Variants in CDH18 observed in about 807,000 individuals in gnomAD.
CDH18 encodes cadherin 18.
In CDH18, 31 loss-of-function variants were observed where a neutral mutation model predicts 67.9. The ratio of observed to expected loss-of-function variants is 0.46; its 90% CI spans 0.34 to 0.62. CDH18 has a LOEUF of 0.62. Ranked by LOEUF, CDH18 falls within the 20% of genes least tolerant of loss-of-function variation. The pLI, the probability that CDH18 is intolerant of heterozygous loss-of-function variation, is 0.01. For missense variants in CDH18, 890 were observed against 975.5 expected, an observed-to-expected ratio of 0.91 and a Z score of 1.17; for synonymous variants, 362 against 347.2, an observed-to-expected ratio of 1.04 and a Z score of -0.48.
intron 1 of CDH18, among the ~76,000 whole-genome samples, chr5:20,377,102 G>A (rs1743515862): frequency 6.6e-6 from 1 of 151,906 alleles, no homozygotes; most frequent in Non-Finnish European, 1.5e-5. Context: ...TCCCTCACTC[G>A]TGAAATAAAG....
intron 1 of CDH18, among the ~76,000 whole-genome samples, chr5:20,514,382 G>A (rs56791839): frequency 2.0e-5 from 3 of 152,056 alleles, no homozygotes; most frequent in Admixed American, 2.0e-4. Context: ...TCTTGTATCA[G>A]GTTGCTGGTT....
intron 1 of CDH18, among the ~76,000 whole-genome samples, chr5:20,324,353 C>A (rs1561971685): frequency 1.3e-5 from 2 of 152,108 alleles, no homozygotes; most frequent in South Asian, 4.1e-4. Flanking sequence ...TCCTGGCTAA[C>A]ATGGTGAAAC....
chr5:19,881,974 T>C (rs1197637614), intron 2 of CDH18, among the ~76,000 whole-genome samples: 1 of 152,140 alleles, frequency 6.6e-6, no homozygotes, highest in Non-Finnish European at 1.5e-5. Context: ...CTTCATGGTA[T>C]ACCTCCACTA....
intron 10 of CDH18, among the ~76,000 whole-genome samples, chr5:19,514,285 G>T (rs1745590321): frequency 1.3e-5 from 2 of 152,190 alleles, no homozygotes; most frequent in African/African-American, 4.8e-5. Flanking sequence ...TTGCTATTGT[G>T]AATAGTGCTG....
In CDH18 at chr5:19,924,669, A is replaced by G. The variant is rs566608335; in HGVS notation, c.-257+56391T>C. Among the ~76,000 whole-genome samples the G allele has an allele frequency of 2.6e-5, 4 of 152,228 alleles. No individual in the cohort carries two copies. In the East Asian group the frequency reaches 7.7e-4, roughly 29 times the overall value. On this transcript the variant is annotated intron_variant, in intron 2 of 12. Transcript: ENST00000382275. ...AACAAACAAAACAATAGGACTTTAA[A>G]TTTTGACTAATAGGACATTAGGAAT...
intron 8 of CDH18, among the ~76,000 whole-genome samples, chr5:19,550,662 A>G (rs1475696887): frequency 4.6e-5 from 7 of 152,144 alleles, no homozygotes; most frequent in Non-Finnish European, 2.9e-5. Context: ...CCAGTCTATC[A>G]TTCTTGGACA....
intron 2 of CDH18, among the ~76,000 whole-genome samples, chr5:20,170,535 T>C (rs537119478): frequency 1.3e-4 from 20 of 152,216 alleles, no homozygotes; most frequent in African/African-American, 4.6e-4. Flanking sequence ...TGTATTTTAA[T>C]AGCATACTAA....
intron 5 of CDH18, among the ~76,000 whole-genome samples, chr5:19,719,903 G>GAGAAAGAAAGAAAGAACGAAAGAAAGAA (rs1173106345): frequency 3.1e-5 from 4 of 130,872 alleles, no homozygotes; most frequent in African/African-American, 1.2e-4. Context: ...AGTTAAGCAA[G>GAGAAAGAAAGAAAGAACGAAAGAAAGAA]AGAAAGAAAG....
At chr5:19,847,285 G>T (rs1172807019) in intron 2 of CDH18, among the ~76,000 whole-genome samples, 1 of 151,822 alleles carries the variant, frequency 6.6e-6, no homozygotes, top group Non-Finnish European at 1.5e-5. Flanking sequence ...ACTTGATGTT[G>T]TTCCATATTT....
At chr5:20,394,797 G>T (rs1745150964) in intron 1 of CDH18, among the ~76,000 whole-genome samples, 1 of 151,816 alleles carries the variant, frequency 6.6e-6, no homozygotes, top group Non-Finnish European at 1.5e-5. Context: ...TTTCTCAAAA[G>T]AAGACATACA....
intron 3 of CDH18, among the ~76,000 whole-genome samples, chr5:19,798,491 T>C (rs991716328): frequency 6.6e-6 from 1 of 152,030 alleles, no homozygotes; most frequent in Non-Finnish European, 1.5e-5. Context: ...TTTTTATCTT[T>C]GAATTGGACT....
chr5:19,955,116 TCTC>T (rs1275652716), intron 2 of CDH18, among the ~76,000 whole-genome samples: 1 of 152,088 alleles, frequency 6.6e-6, no homozygotes, highest in Non-Finnish European at 1.5e-5. Context: ...GCTTGGCACT[TCTC>T]CTTCCTGCTG....
intron 3 of CDH18, among the ~76,000 whole-genome samples, chr5:19,806,032 A>G (rs994926577): frequency 1.3e-5 from 2 of 152,110 alleles, no homozygotes; most frequent in African/African-American, 2.4e-5. Flanking sequence ...CTTCTAACAC[A>G]TGCACTCTGC....
At chr5:20,531,754 G>A (rs941972676) in intron 1 of CDH18, among the ~76,000 whole-genome samples, 3 of 151,964 alleles carry the variant, frequency 2.0e-5, no homozygotes, top group Non-Finnish European at 2.9e-5. Context: ...GGCAGGCTGC[G>A]GGCAGAGCAT....
intron 1 of CDH18, among the ~76,000 whole-genome samples, chr5:20,361,478 G>C (rs1040678180): frequency 6.6e-6 from 1 of 151,898 alleles, no homozygotes; most frequent in African/African-American, 2.4e-5. Flanking sequence ...ATTATTCACA[G>C]GTTTTCTTTA....
intron 1 of CDH18, among the ~76,000 whole-genome samples, chr5:20,466,225 T>C (rs1751622877): frequency 6.6e-6 from 1 of 152,088 alleles, no homozygotes; most frequent in African/African-American, 2.4e-5. Flanking sequence ...TCCTCGCCAT[T>C]TTCATTTTCA....
At chr5:19,693,163 C>T (rs1308975621) in intron 5 of CDH18, among the ~76,000 whole-genome samples, 3 of 151,600 alleles carry the variant, frequency 2.0e-5, no homozygotes, top group Non-Finnish European at 2.9e-5. Context: ...ACATATTGCA[C>T]GTGCTCACTT....
At chr5:19,967,314 C>T (rs1297785632) in intron 2 of CDH18, among the ~76,000 whole-genome samples, 1 of 151,982 alleles carries the variant, frequency 6.6e-6, no homozygotes, top group African/African-American at 2.4e-5. Flanking sequence ...TTAAAGAAAT[C>T]ATGGTGATTC....
intron 8 of CDH18, among the ~76,000 whole-genome samples, chr5:19,551,071 A>G (rs1737354005): frequency 6.6e-6 from 1 of 152,204 alleles, no homozygotes; most frequent in Non-Finnish European, 1.5e-5. Flanking sequence ...GAGAAAGATA[A>G]TCTCTGTAAA....
Sources: allele counts gnomAD v4.1 joint callset (sites outside exome capture counted in the v4.1 genomes callset), GRCh38; gene constraint gnomAD v4.1.1; transcripts MANE v1.5; gene names NCBI Gene and HGNC (gene_info 2026-07-23, HGNC 2026-07-21).